Variants in NAA30 observed in about 807,000 individuals in gnomAD.
NAA30 encodes N-alpha-acetyltransferase 30, NatC catalytic subunit, also known as N-alpha-acetyltransferase 30.
Under a neutral mutation model 31.4 loss-of-function variants are expected in NAA30, and 5 were observed. The ratio of observed to expected loss-of-function variants is 0.16; its 90% CI spans 0.08 to 0.33. The LOEUF is 0.33. Among genes scored for constraint, NAA30 ranks in the 10% least tolerant of loss-of-function variants. NAA30 has a pLI of 1.00. For synonymous variants in NAA30, 222 were observed against 207.1 expected (o/e 1.07, Z -0.62); for missense variants, 428 against 490.8 (o/e 0.87, Z 1.21).
At chr14:57,399,975 A>G in intron 4 of NAA30, 92 bp downstream of exon 4, 1 of 662,204 alleles carries the variant, frequency 1.5e-6, no homozygotes, top group East Asian at 2.9e-5. Context: ...TGCAGATTTC[A>G]TTGCAGTGTT....
chr14:57,391,150 G>A lies in NAA30; in HGVS notation c.193G>A (p.Ala65Thr). ...GGCGGGCGGAGAGTCGGCGACGGTG[G>A]CGGCCAAGGGGCATCCGTGCCTCCG... ...SPAGGESATV[A>T]AKGHPCLRCP... The change falls in exon 2 of 5, where the codon GCG becomes ACG. Residue 65 changes from alanine (A) to threonine (T), a missense_variant. This residue lies in a region of NAA30 where 349 missense variants were observed against 310.4 expected (regional missense o/e 1.12). Transcript: ENST00000556492. The surrounding 1 kb of genome is among the most constrained non-coding windows in gnomAD (Gnocchi z 4.1). The A allele has an allele frequency of 1.3e-6, 2 of 1,593,886 alleles. No homozygotes were observed. The highest frequency in any genetic ancestry group is 1.7e-6 in the Non-Finnish European group (2 of 1,173,380).
Position 57,409,883 on chromosome 14 carries a change from A to G in NAA30, c.*367A>G, listed in dbSNP as rs2066515958. 6.0e-6 allele frequency: 1 copy of G among 166,104 alleles called. No individual in the cohort carries two copies. The highest frequency in any genetic ancestry group is 6.4e-5 in the Admixed American group (1 of 15,710). 10.3% of individuals were successfully genotyped at this position (166,104 alleles called of 1,614,324 possible). On this transcript the variant is annotated 3_prime_UTR_variant, in exon 5 of 5. Coordinates refer to ENST00000556492, the MANE Select transcript of NAA30 (RefSeq NM_001011713.3). The stretch of plus-strand genomic sequence containing the variant: ...TAAAAAAGCCAATGTGGATTGTAAA[A>G]GTCTTTAAGTATACTAACATTTCAC...
intron 4 of NAA30, among the ~76,000 whole-genome samples, chr14:57,400,860 T>A (rs1035635837): frequency 6.6e-6 from 1 of 151,944 alleles, no homozygotes; most frequent in Admixed American, 6.6e-5. Flanking sequence ...TAGCTACTGT[T>A]TTTTGTTGTT....
In NAA30 at chr14:57,391,655, A is replaced by G; in HGVS notation, c.698A>G (p.Lys233Arg). ...QMPDIMRLIT[K>R]DLSEPYSIYT... ...CCCGATATCATGAGACTGATCACCA[A>G]AGATCTGTCCGAACCCTACTCCATT... is the stretch of plus-strand genomic sequence containing the variant. Residue 233 changes from lysine to arginine, a missense_variant, in exon 2 of 5, where the codon AAA becomes AGA. Around this residue, in one of 2 missense-constraint regions of NAA30, gnomAD observed 79 missense variants for 180.3 expected, o/e 0.44. Coordinates refer to ENST00000556492, the MANE Select transcript of NAA30 (RefSeq NM_001011713.3). This position sits in a 1 kb window ranked among gnomAD's most constrained non-coding sequence, Gnocchi z 4.1. 1 of 1,614,198 alleles carries G rather than the reference A, an allele frequency of 6.2e-7. No homozygotes were observed. The highest frequency in any genetic ancestry group is 1.1e-5 in the South Asian group (1 of 91,082).
At chr14:57,395,250 C>T (rs987350211) in intron 2 of NAA30, among the ~76,000 whole-genome samples, 8 of 151,998 alleles carry the variant, frequency 5.3e-5, no homozygotes. Flanking sequence ...AGGATTTTTC[C>T]GACCTAGTTT....
chr14:57,402,528 C>T (rs184718477), intron 4 of NAA30, among the ~76,000 whole-genome samples: 1 of 152,160 alleles, frequency 6.6e-6, no homozygotes, highest in South Asian at 2.1e-4. Context: ...TTGTCTTTCT[C>T]TCTGAACTTT....
At chr14:57,397,002 GTTTTAAT>G in intron 3 of NAA30, 127 bp downstream of exon 3, 1 of 866,618 alleles carries the variant, frequency 1.2e-6, no homozygotes, top group Non-Finnish European at 1.6e-6. Flanking sequence ...ATTAAGGCGG[GTTTTAAT>G]TTTTAATTTC....
chr14:57,404,409 T>A (rs1260300361), intron 4 of NAA30, among the ~76,000 whole-genome samples: 1 of 152,188 alleles, frequency 6.6e-6, no homozygotes, highest in African/African-American at 2.4e-5. Context: ...GGAATTAGGA[T>A]TTCTTAATGG....
Position 57,410,421 on chromosome 14 carries a change from G to T in NAA30, c.*905G>T, listed in dbSNP as rs2066517995. 1 of 152,520 alleles carries T rather than the reference G, an allele frequency of 6.6e-6. No homozygotes were observed. 9.4% of individuals were successfully genotyped at this position (152,520 alleles called of 1,614,324 possible). ...TGAGAGTAAGGGAAGTTTTGGAAAA[G>T]AATAGAAAATTAGTGTAAGTTGATA... is the stretch of plus-strand genomic sequence containing the variant. On this transcript the variant is annotated 3_prime_UTR_variant, in exon 5 of 5. Transcript: ENST00000556492.
Position 57,409,691 on chromosome 14 carries a change from C to A in NAA30, c.*175C>A. ...TGCACTTTGGCATGGCACATTTGTT[C>A]TGAATTAAAAGATTGTTTTAAACTT... On this transcript the variant is annotated 3_prime_UTR_variant, in exon 5 of 5. Coordinates refer to ENST00000556492, the MANE Select transcript of NAA30 (RefSeq NM_001011713.3). 1.9e-6 allele frequency: 1 copy of A among 528,814 alleles called. No homozygotes were observed. Among genetic ancestry groups the A allele is most frequent in the South Asian group, 5.6e-5 (1 of 18,018 alleles). The allele number at this position is 528,814 out of a possible 1,614,324, so 32.8% of individuals were successfully genotyped here. A position where few individuals can be genotyped will look rare whatever the true frequency, so the allele number is the denominator to read the frequency against.
At position 57,411,102 on chromosome 14, in the gene NAA30, T is replaced by C. The variant is rs761630629; in HGVS notation, c.*1586T>C. 2 of 152,118 alleles carry C rather than the reference T, an allele frequency of 1.3e-5. No individual in the cohort carries two copies. The highest frequency in any genetic ancestry group is 6.6e-5 in the Admixed American group (1 of 15,228). 9.4% of individuals were successfully genotyped at this position (152,118 alleles called of 1,614,324 possible). On this transcript the variant is annotated 3_prime_UTR_variant, in exon 5 of 5. Coordinates refer to ENST00000556492, the MANE Select transcript of NAA30 (RefSeq NM_001011713.3). ...AAGGAAAGCTGCTCTTTGCTCAGTA[T>C]AGTGTTTTGAAAGTGAACATAGTAA...
chr14:57,405,471 A>G (rs1413763770), intron 4 of NAA30, among the ~76,000 whole-genome samples: 4 of 151,858 alleles, frequency 2.6e-5, no homozygotes, highest in African/African-American at 2.4e-5. Flanking sequence ...ACATTATGCT[A>G]TGTGATAGAG....
chr14:57,402,902 C>T (rs973882502), intron 4 of NAA30, among the ~76,000 whole-genome samples: 1 of 152,124 alleles, frequency 6.6e-6, no homozygotes, highest in African/African-American at 2.4e-5. Context: ...TACATTTGGC[C>T]AGGCACTGTG....
chr14:57,396,669 A>G, intron 2 of NAA30, 83 bp from the exon 3 acceptor site: 1 of 1,456,550 alleles, frequency 6.9e-7, no homozygotes, highest in Non-Finnish European at 9.5e-7. Flanking sequence ...AATGCTTACC[A>G]ATGGTTGGTT....
rs1383470777 is a variant in NAA30 at position 57,411,901 on chromosome 14, A to G, written c.*2385A>G. 6.6e-6 allele frequency: 1 copy of G among 152,166 alleles called. No individual in the cohort carries two copies. The highest frequency in any genetic ancestry group is 1.9e-4 in the East Asian group (1 of 5,192). 9.4% of individuals were successfully genotyped at this position (152,166 alleles called of 1,614,324 possible). ...TCTTAAATAAGCTTAAAACAATTCT[A>G]TCTGAAATTGGTAGCATGGGTTCAC... On this transcript the variant is annotated 3_prime_UTR_variant, in exon 5 of 5. Coordinates refer to ENST00000556492, the MANE Select transcript of NAA30 (RefSeq NM_001011713.3).
intron 2 of NAA30, among the ~76,000 whole-genome samples, chr14:57,392,256 A>G (rs1364842234): frequency 6.6e-6 from 1 of 152,140 alleles, no homozygotes; most frequent in Non-Finnish European, 1.5e-5. Flanking sequence ...CTTTACTTCA[A>G]CTGGACAATT....
At chr14:57,399,943 TAATAAA>T in intron 4 of NAA30, 60 bp downstream of exon 4, 1 of 834,360 alleles carries the variant, frequency 1.2e-6, no homozygotes, top group South Asian at 1.6e-5. Flanking sequence ...TGGGTATTTT[TAATAAA>T]TATTTTATAA....
At chr14:57,400,786 T>C (rs564586927) in intron 4 of NAA30, among the ~76,000 whole-genome samples, 3 of 152,358 alleles carry the variant, frequency 2.0e-5, no homozygotes, top group South Asian at 2.1e-4. Flanking sequence ...TGCATGTGTT[T>C]TTGTTAACAA....
rs1442408150 is a variant in NAA30 at position 57,410,538 on chromosome 14, A to G, written c.*1022A>G. ...TTTTTCCCACTTGATTTGGATTCAC[A>G]TTGCTTTCATTTCTTAAAATGCTTC... On this transcript the variant is annotated 3_prime_UTR_variant, in exon 5 of 5. Coordinates refer to ENST00000556492, the MANE Select transcript of NAA30 (RefSeq NM_001011713.3). 1 of 152,350 alleles carries G rather than the reference A, an allele frequency of 6.6e-6. No individual in the cohort carries two copies. The highest frequency in any genetic ancestry group is 1.5e-5 in the Non-Finnish European group (1 of 67,994). The allele number at this position is 152,350 out of a possible 1,614,324, so 9.4% of individuals were successfully genotyped here.
Sources: gnomAD v4.1 joint callset for allele counts (sites outside exome capture counted in the v4.1 genomes callset) on GRCh38, gnomAD v4.1.1 for gene constraint, gnomAD v4.1.1 regional missense constraint, Gnocchi (gnomAD v3.1) non-coding constraint, MANE v1.5 for transcripts, NCBI Gene and HGNC (gene_info 2026-07-23, HGNC 2026-07-21) for gene names.